CTNNBL1: variants seen among roughly 807,000 people sequenced by gnomAD.
The protein encoded by CTNNBL1 is beta-catenin-like protein 1.
Under a neutral mutation model 72.7 loss-of-function variants are expected in CTNNBL1, and 31 were observed. The observed-to-expected ratio is 0.43, with a 90% confidence interval of 0.32 to 0.58. The LOEUF (loss-of-function observed/expected upper bound fraction) is 0.58, where lower values mean the gene tolerates loss of function less well. Among genes scored for constraint, CTNNBL1 ranks in the 20% least tolerant of loss-of-function variants. The pLI, the probability that CTNNBL1 is intolerant of heterozygous loss-of-function variation, is 0.08. For synonymous variants in CTNNBL1, 240 were observed against 267.3 expected (o/e 0.90, Z 1.00); for missense variants, 534 against 725.1 (o/e 0.74, Z 3.03).
chr20:37,731,761 T>C (rs1350795239), intron 1 of CTNNBL1, among the ~76,000 whole-genome samples: 2 of 152,240 alleles, frequency 1.3e-5, no homozygotes, highest in Non-Finnish European at 2.9e-5. Flanking sequence ...TCCCCACTTT[T>C]TAGGGCTGAG....
chr20:37,776,549 A>G (rs1265133345), intron 7 of CTNNBL1, among the ~76,000 whole-genome samples: 2 of 152,192 alleles, frequency 1.3e-5, no homozygotes, highest in Non-Finnish European at 2.9e-5. Flanking sequence ...CACCATAAAT[A>G]AAAACACACC....
At chr20:37,838,750 G>A (rs2072276226) in intron 11 of CTNNBL1, among the ~76,000 whole-genome samples, 3 of 152,118 alleles carry the variant, frequency 2.0e-5, no homozygotes. Flanking sequence ...AGCCAGACAT[G>A]GTGTTGTGCA....
intron 4 of CTNNBL1, among the ~76,000 whole-genome samples, chr20:37,749,087 A>G (rs530100298): frequency 6.6e-6 from 1 of 152,310 alleles, no homozygotes; most frequent in Non-Finnish European, 1.5e-5. Context: ...TGTGAAGTCC[A>G]GATGTTGGAC....
chr20:37,700,413 A>G (rs2072830285), intron 1 of CTNNBL1, among the ~76,000 whole-genome samples: 1 of 152,192 alleles, frequency 6.6e-6, no homozygotes, highest in Middle Eastern at 3.2e-3. Flanking sequence ...TGGTGGGAAG[A>G]TTCCAATTTT....
chr20:37,782,393 AG>A (rs942854648), intron 10 of CTNNBL1, among the ~76,000 whole-genome samples: 6 of 152,160 alleles, frequency 3.9e-5, no homozygotes, highest in Non-Finnish European at 8.8e-5. Flanking sequence ...CACACACACA[AG>A]CATATATTCA....
chr20:37,810,921 T>C (rs1156784445), intron 11 of CTNNBL1, among the ~76,000 whole-genome samples: 1 of 152,170 alleles, frequency 6.6e-6, no homozygotes, highest in Non-Finnish European at 1.5e-5. Flanking sequence ...TGTTGTAAAA[T>C]TGAGATACTC....
chr20:37,733,823 C>G (rs1388675904), intron 2 of CTNNBL1, among the ~76,000 whole-genome samples: 1 of 152,200 alleles, frequency 6.6e-6, no homozygotes, highest in Non-Finnish European at 1.5e-5. Context: ...CTGTCCTCCT[C>G]TCAGCCTCCC....
chr20:37,845,243 C>T (rs1365179998), intron 13 of CTNNBL1, among the ~76,000 whole-genome samples: 1 of 152,084 alleles, frequency 6.6e-6, no homozygotes, highest in African/African-American at 2.4e-5. Flanking sequence ...TGAGGGAGAC[C>T]TAGTAAGTGG....
At chr20:37,701,078 G>C (rs1326884537) in intron 1 of CTNNBL1, among the ~76,000 whole-genome samples, 1 of 152,156 alleles carries the variant, frequency 6.6e-6, no homozygotes. Flanking sequence ...ATATTTTTCT[G>C]TTCCCACAGT....
chr20:37,787,185 G>T lies in CTNNBL1; in HGVS notation c.1031+7850G>T, dbSNP rs1414747795. On this transcript the variant is annotated intron_variant, in intron 10 of 15. Transcript: ENST00000361383. The stretch of plus-strand genomic sequence containing the variant: ...TTGCCCAGGCTGAAGTGCAGTGGCT[G>T]TTCACAGGAGGCAATCACAGTGCAC... 2.0e-5 allele frequency among the ~76,000 whole-genome samples: 3 copies of T among 150,082 alleles called. No individual in the cohort carries two copies. The East Asian group carries it at 5.9e-4, about 29-fold the overall frequency.
chr20:37,840,291 C>T (rs575047479), intron 12 of CTNNBL1, 92 bp downstream of exon 12: 1 of 949,800 alleles, frequency 1.1e-6, no homozygotes, highest in Non-Finnish European at 1.7e-6. Flanking sequence ...TTGAGTGGTC[C>T]TACCCTAAAA....
At chr20:37,749,076 G>A (rs559426908) in intron 4 of CTNNBL1, among the ~76,000 whole-genome samples, 136 of 152,316 alleles carry the variant, frequency 8.9e-4, no homozygotes, top group Non-Finnish European at 1.5e-3. Context: ...TTAGTGACAA[G>A]TGTGAAGTCC....
intron 10 of CTNNBL1, among the ~76,000 whole-genome samples, chr20:37,798,176 G>C (rs2073795109): frequency 6.6e-6 from 1 of 152,096 alleles, no homozygotes; most frequent in Non-Finnish European, 1.5e-5. Flanking sequence ...GCACCTGCTA[G>C]GTACCTCATA....
chr20:37,729,679 A>G (rs1343799812), intron 1 of CTNNBL1, among the ~76,000 whole-genome samples: 3 of 152,098 alleles, frequency 2.0e-5, no homozygotes, highest in Non-Finnish European at 4.4e-5. Context: ...GGCTTATTTT[A>G]TGAGCTTGAA....
chr20:37,721,083 G>A (rs2122577647), intron 1 of CTNNBL1, among the ~76,000 whole-genome samples: 1 of 152,278 alleles, frequency 6.6e-6, no homozygotes, highest in African/African-American at 2.4e-5. Flanking sequence ...AGCACTGTTT[G>A]CACGTACTCT....
chr20:37,821,669 G>T (rs1018417162), intron 11 of CTNNBL1, among the ~76,000 whole-genome samples: 3 of 152,226 alleles, frequency 2.0e-5, no homozygotes, highest in African/African-American at 7.2e-5. Context: ...GAATATGTAT[G>T]TTAGCAATAG....
chr20:37,854,551 A>ATATTAT (rs139266490), intron 13 of CTNNBL1, among the ~76,000 whole-genome samples: 332 of 129,272 alleles, frequency 2.6e-3, no homozygotes, highest in Non-Finnish European at 2.8e-3. Flanking sequence ...CTGCCTCTCA[A>ATATTAT]TATTATTATT....
At position 37,709,636 on chromosome 20, in the gene CTNNBL1, C is replaced by T. The variant is rs184800908; in HGVS notation, c.30+15484C>T. 2.1e-4 allele frequency among the ~76,000 whole-genome samples: 32 copies of T among 152,252 alleles called. No individual in the cohort carries two copies. The East Asian group carries it at 4.6e-3, about 22-fold the overall frequency. ...AGTTATTCACAGAGAAGCTGAAACA[C>T]GTAATGGGGGCTCTGGCCAGGAGTA... is the stretch of plus-strand genomic sequence containing the variant. On this transcript the variant is annotated intron_variant, in intron 1 of 15. Transcript: ENST00000361383.
intron 4 of CTNNBL1, 38 bp downstream of exon 4, chr20:37,746,645 A>C (rs751125721): frequency 1.2e-6 from 2 of 1,613,278 alleles, no homozygotes; most frequent in South Asian, 1.1e-5. Context: ...GAGAGCTGAC[A>C]TGGTGGGGAA....
Sources: allele counts gnomAD v4.1 joint callset (sites outside exome capture counted in the v4.1 genomes callset), GRCh38; gene constraint gnomAD v4.1.1; transcripts MANE v1.5; gene names NCBI Gene and HGNC (gene_info 2026-07-23, HGNC 2026-07-21).